Variants in TBC1D32 observed in about 807,000 individuals in gnomAD.
TBC1D32 encodes the protein protein broad-minded.
Under a neutral mutation model 170.3 loss-of-function variants are expected in TBC1D32, and 151 were observed. That is an observed-to-expected ratio of 0.89 (90% CI 0.78 to 1.01). The LOEUF (loss-of-function observed/expected upper bound fraction) is 1.01. Among genes scored for constraint, TBC1D32 ranks in the 50% least tolerant of loss-of-function variants. TBC1D32 has a pLI of 0.00. For synonymous variants in TBC1D32, 498 were observed against 488.0 expected (o/e 1.02, Z -0.27); for missense variants, 1,464 against 1,457.1 (o/e 1.00, Z -0.08).
At chr6:121,247,263 A>C (rs1797730580) in intron 17 of TBC1D32, among the ~76,000 whole-genome samples, 1 of 152,158 alleles carries the variant, frequency 6.6e-6, no homozygotes, top group Non-Finnish European at 1.5e-5. Flanking sequence ...TTTTTCAGAC[A>C]AACAAATGCT....
chr6:121,271,475 A>T (rs898167085), intron 15 of TBC1D32, among the ~76,000 whole-genome samples: 2 of 152,138 alleles, frequency 1.3e-5, no homozygotes, highest in African/African-American at 4.8e-5. Flanking sequence ...AATAACAGAC[A>T]AACAGAGAGC....
chr6:121,227,907 G>A (rs1795268042), intron 20 of TBC1D32, among the ~76,000 whole-genome samples: 2 of 152,146 alleles, frequency 1.3e-5, no homozygotes, highest in South Asian at 4.1e-4. Flanking sequence ...AGAATCCACT[G>A]GTGAAACCAT....
chr6:121,222,700 T>C (rs1416855281), intron 21 of TBC1D32, among the ~76,000 whole-genome samples: 2 of 152,196 alleles, frequency 1.3e-5, no homozygotes, highest in Non-Finnish European at 2.9e-5. Context: ...ATGTGTTTAA[T>C]TCATAAATGT....
chr6:121,176,426 C>T (rs1482568201), intron 22 of TBC1D32, among the ~76,000 whole-genome samples: 2 of 152,108 alleles, frequency 1.3e-5, no homozygotes, highest in Non-Finnish European at 2.9e-5. Flanking sequence ...ACACATTGAG[C>T]ATCCCAAACT....
At chr6:121,225,776 A>G (rs1055461219) in intron 20 of TBC1D32, among the ~76,000 whole-genome samples, 5 of 152,112 alleles carry the variant, frequency 3.3e-5, no homozygotes, top group African/African-American at 1.2e-4. Flanking sequence ...CATTTCTCAC[A>G]CATCGGGCAT....
At chr6:121,301,059 T>C (rs1806395001) in intron 9 of TBC1D32, among the ~76,000 whole-genome samples, 1 of 137,392 alleles carries the variant, frequency 7.3e-6, no homozygotes, top group Non-Finnish European at 1.5e-5. Flanking sequence ...GGAGAGGATG[T>C]GGAGAAATGG....
intron 4 of TBC1D32, among the ~76,000 whole-genome samples, chr6:121,309,790 T>G (rs1163538900): frequency 1.3e-5 from 2 of 152,134 alleles, no homozygotes; most frequent in Non-Finnish European, 2.9e-5. Context: ...TCCCAGCACT[T>G]TGGGAGGCCA....
At chr6:121,100,355 T>C (rs1777882333) in intron 30 of TBC1D32, among the ~76,000 whole-genome samples, 1 of 151,990 alleles carries the variant, frequency 6.6e-6, no homozygotes. Flanking sequence ...CTGTCTAATG[T>C]TGACAGTGGT....
intron 12 of TBC1D32, among the ~76,000 whole-genome samples, chr6:121,286,328 C>G (rs376225166): frequency 6.6e-6 from 1 of 152,170 alleles, no homozygotes. Context: ...TGCACGAGAA[C>G]TACGTGACGA....
At chr6:121,255,480 T>TATTTATAATTATATTTTATAATTAG (rs1798851148) in intron 16 of TBC1D32, 70 bp from the exon 17 acceptor site, 1 of 324,830 alleles carries the variant, frequency 3.1e-6, no homozygotes, top group African/African-American at 2.3e-5. Flanking sequence ...TTTATAATTA[T>TATTTATAATTATATTTTATAATTAG]ATTTATAATT....
chr6:121,179,748 A>G (rs2128269858), intron 22 of TBC1D32, among the ~76,000 whole-genome samples: 1 of 152,316 alleles, frequency 6.6e-6, no homozygotes, highest in African/African-American at 2.4e-5. Context: ...AACTGCACTA[A>G]TAATCTAATC....
At chr6:121,202,208 C>CATTTG (rs1791661308) in intron 22 of TBC1D32, among the ~76,000 whole-genome samples, 1 of 147,354 alleles carries the variant, frequency 6.8e-6, no homozygotes, top group Non-Finnish European at 1.5e-5. Flanking sequence ...TGCACAGAAA[C>CATTTG]CTAGGATCCT....
At chr6:121,203,690 A>T (rs1339090440) in intron 22 of TBC1D32, among the ~76,000 whole-genome samples, 4 of 151,260 alleles carry the variant, frequency 2.6e-5, no homozygotes, top group African/African-American at 9.8e-5. Context: ...AGTAACTGAG[A>T]CCCCATCTCA....
upstream of TBC1D32, chr6:121,334,531 G>C: frequency 7.1e-7 from 1 of 1,401,424 alleles, no homozygotes. Flanking sequence ...GGCTACGTGC[G>C]GCGTCGTTCC....
intron 4 of TBC1D32, among the ~76,000 whole-genome samples, chr6:121,310,199 T>G (rs915828792): frequency 2.0e-5 from 3 of 152,110 alleles, no homozygotes; most frequent in Non-Finnish European, 4.4e-5. Flanking sequence ...ATGATGACTA[T>G]GTTAATAACA....
At chr6:121,218,163 T>C (rs894358498) in intron 21 of TBC1D32, among the ~76,000 whole-genome samples, 8 of 152,114 alleles carry the variant, frequency 5.3e-5, no homozygotes, top group East Asian at 1.9e-4. Context: ...CTGGAGGCCA[T>C]AGGACAAACA....
At chr6:121,222,401 C>T (rs888169711) in intron 21 of TBC1D32, among the ~76,000 whole-genome samples, 1 of 151,986 alleles carries the variant, frequency 6.6e-6, no homozygotes, top group African/African-American at 2.4e-5. Context: ...AATTGAAAAA[C>T]TTCAACGAAA....
chr6:121,278,929 A>G (rs1008134205), intron 15 of TBC1D32, among the ~76,000 whole-genome samples, 192 bp downstream of exon 15: 1 of 152,064 alleles, frequency 6.6e-6, no homozygotes, highest in Non-Finnish European at 1.5e-5. Flanking sequence ...ATAATGGGGG[A>G]GTAAGGAAAC....
At chr6:121,102,530 A>G (rs1412599001) in intron 30 of TBC1D32, among the ~76,000 whole-genome samples, 2 of 152,328 alleles carry the variant, frequency 1.3e-5, no homozygotes, top group African/African-American at 4.8e-5. Context: ...AAAACTGGCT[A>G]GCCATATGTA....
Sources: allele counts gnomAD v4.1 joint callset (sites outside exome capture counted in the v4.1 genomes callset), GRCh38; gene constraint gnomAD v4.1.1; transcripts MANE v1.5; gene names NCBI Gene and HGNC (gene_info 2026-07-23, HGNC 2026-07-21).